Variants in ITGBL1 observed in about 807,000 individuals in gnomAD.
The protein encoded by ITGBL1 is integrin subunit beta like 1, also known as integrin beta-like protein 1.
Under a neutral mutation model 68.5 loss-of-function variants are expected in ITGBL1, and 51 were observed. The observed-to-expected ratio is 0.74, with a 90% CI of 0.59 to 0.94. ITGBL1 has a LOEUF of 0.94. Among genes scored for constraint, ITGBL1 ranks in the 40% least tolerant of loss-of-function variants. ITGBL1 has a pLI of 0.00. For missense variants in ITGBL1, 649 were observed against 647.4 expected (o/e 1.00, Z -0.03); for synonymous variants, 209 against 227.3 (o/e 0.92, Z 0.72).
chr13:101,700,440 T>A (rs1383304251), intron 8 of ITGBL1, among the ~76,000 whole-genome samples: 1 of 152,198 alleles, frequency 6.6e-6, no homozygotes, highest in East Asian at 1.9e-4. Flanking sequence ...TAAGCTTCTA[T>A]CACTTTTCAC....
chr13:101,598,182 G>A lies in ITGBL1; in HGVS notation c.898G>A (p.Asp300Asn). ...GHGQCNCGRCDCKAGWYGKKC... is the reference protein window; with the variant it reads ...GHGQCNCGRCNCKAGWYGKKC... ...TGGACAGTGTAATTGCGGAAGATGT[G>A]ACTGCAAAGCAGGCTGGTATGGGAA... is the stretch of plus-strand genomic sequence containing the variant. Residue 300 changes from aspartate (D) to asparagine (N), a missense_variant, in exon 7 of 11, where the codon GAC (aspartate) becomes AAC (asparagine). Asp to Asn is a conservative substitution (Grantham distance 23). Coordinates refer to ENST00000376180, the MANE Select transcript of ITGBL1 (RefSeq NM_004791.3). 5.6e-6 allele frequency: 9 copies of A among 1,613,406 alleles called. No homozygotes were observed. The highest frequency in any genetic ancestry group is 1.3e-5 in the African/African-American group (1 of 74,976).
intron 2 of ITGBL1, among the ~76,000 whole-genome samples, chr13:101,506,021 G>T (rs2049021826): frequency 2.0e-5 from 3 of 152,186 alleles, no homozygotes; most frequent in Non-Finnish European, 4.4e-5. Context: ...ATGAGAAAGA[G>T]ATCTATTAGC....
At chr13:101,514,415 C>G (rs1368327542) in intron 2 of ITGBL1, among the ~76,000 whole-genome samples, 2 of 152,030 alleles carry the variant, frequency 1.3e-5, no homozygotes, top group African/African-American at 4.8e-5. Flanking sequence ...ACTTCTAAGT[C>G]ACAAAGGTGC....
chr13:101,583,432 A>T, intron 6 of ITGBL1, 76 bp downstream of exon 6: 1 of 1,165,744 alleles, frequency 8.6e-7, no homozygotes, highest in Non-Finnish European at 1.2e-6. Flanking sequence ...AAAAAAAAGC[A>T]ATTAGAAAGA....
chr13:101,625,558 AT>A (rs35177518), intron 7 of ITGBL1, among the ~76,000 whole-genome samples: 29 of 149,716 alleles, frequency 1.9e-4, no homozygotes, highest in Non-Finnish European at 3.6e-4. Context: ...GTAATGGCTA[AT>A]TTTTTTTTTT....
chr13:101,636,772 G>A (rs918678447), intron 7 of ITGBL1, among the ~76,000 whole-genome samples: 4 of 151,986 alleles, frequency 2.6e-5, no homozygotes, highest in African/African-American at 4.8e-5. Context: ...ATTGAAATAC[G>A]TTCTATCATC....
At chr13:101,466,307 AC>A (rs1405890629) in intron 2 of ITGBL1, among the ~76,000 whole-genome samples, 1 of 152,140 alleles carries the variant, frequency 6.6e-6, no homozygotes, top group East Asian at 1.9e-4. Flanking sequence ...TTGGTGAATC[AC>A]CGTAAGTGAC....
intron 7 of ITGBL1, among the ~76,000 whole-genome samples, chr13:101,606,958 A>G (rs954337272): frequency 1.3e-5 from 2 of 152,046 alleles, no homozygotes; most frequent in African/African-American, 4.8e-5. Context: ...CATAATTTAT[A>G]TTTTGTATTA....
chr13:101,622,791 T>C (rs1201782853), intron 7 of ITGBL1, among the ~76,000 whole-genome samples: 1 of 152,136 alleles, frequency 6.6e-6, no homozygotes, highest in Non-Finnish European at 1.5e-5. Context: ...TAGAAAATCT[T>C]TATTTAATTT....
intron 2 of ITGBL1, among the ~76,000 whole-genome samples, chr13:101,484,644 G>T (rs1246821582): frequency 6.6e-5 from 10 of 152,056 alleles, no homozygotes. Flanking sequence ...ACATGAATAT[G>T]TTGTATAGCG....
At chr13:101,588,381 C>T (rs913294400) in intron 6 of ITGBL1, among the ~76,000 whole-genome samples, 3 of 151,672 alleles carry the variant, frequency 2.0e-5, no homozygotes, top group Non-Finnish European at 2.9e-5. Flanking sequence ...TTCTGATGTT[C>T]GATATCAAGA....
chr13:101,650,620 C>CTTTTT (rs55874443), intron 7 of ITGBL1, among the ~76,000 whole-genome samples: 1 of 137,414 alleles, frequency 7.3e-6, no homozygotes, highest in African/African-American at 2.7e-5. Context: ...TCTTTTTTTT[C>CTTTTT]TTTTTTTTTT....
intron 7 of ITGBL1, among the ~76,000 whole-genome samples, chr13:101,605,033 T>TAC (rs71200752): frequency 1.0e-4 from 14 of 137,802 alleles, no homozygotes; most frequent in African/African-American, 3.0e-4. Context: ...TATGTATATA[T>TAC]ACATATACGC....
intron 7 of ITGBL1, among the ~76,000 whole-genome samples, chr13:101,680,430 A>T (rs755901193): frequency 6.6e-6 from 1 of 152,160 alleles, no homozygotes; most frequent in Non-Finnish European, 1.5e-5. Flanking sequence ...AAGTGAAAAA[A>T]AAAATAAGGT....
rs766430713 is a variant in ITGBL1 at position 101,598,289 on chromosome 13, C to T, written c.1005C>T (p.Cys335=). Residue 335 remains cysteine (C), a synonymous_variant, in exon 7 of 11, where the codon TGC becomes TGT. Transcript: ENST00000376180. Reference sequence around the variant, plus strand: ...GCCAGGGAAGCTCGGATCTGCCTTGCTCTGGGAGGGGTAAGTGAGGTCTCT... The same window carrying T: ...GCCAGGGAAGCTCGGATCTGCCTTGTTCTGGGAGGGGTAAGTGAGGTCTCT... ...RKCQGSSDLP[C]SGRGKCECGK... The T allele has an allele frequency of 8.4e-5, 136 of 1,610,590 alleles. No individual in the cohort carries two copies. The highest frequency in any genetic ancestry group is 4.5e-4 in the African/African-American group (34 of 74,808).
chr13:101,603,356 T>G (rs1324938765), intron 7 of ITGBL1, among the ~76,000 whole-genome samples: 1 of 152,034 alleles, frequency 6.6e-6, no homozygotes, highest in Non-Finnish European at 1.5e-5. Flanking sequence ...CTAAGGGTTG[T>G]AAGTAGAAGA....
Position 101,649,929 on chromosome 13 carries a change from T to C in ITGBL1, c.1016-42656T>C, listed in dbSNP as rs1408789872. Reference sequence around the variant, plus strand: ...GGGCTGGAACCAGATATCTGTGATCTAGTTACATTTCCCACATTCTTACCA... The same window carrying C: ...GGGCTGGAACCAGATATCTGTGATCCAGTTACATTTCCCACATTCTTACCA... On this transcript the variant is annotated intron_variant, in intron 7 of 10. Coordinates refer to ENST00000376180, the MANE Select transcript of ITGBL1 (RefSeq NM_004791.3). 3.3e-5 allele frequency among the ~76,000 whole-genome samples: 5 copies of C among 152,324 alleles called. No homozygotes were observed. The East Asian group carries it at 9.6e-4, about 29-fold the overall frequency.
Position 101,715,579 on chromosome 13 carries a change from CTG to C in ITGBL1, c.1413_1414del (p.Cys471TrpfsTer4). 1 of 1,612,128 alleles carries C rather than the reference CTG, an allele frequency of 6.2e-7. No individual in the cohort carries two copies. The highest frequency in any genetic ancestry group is 8.5e-7 in the Non-Finnish European group (1 of 1,178,322). ...LICTGNGICS[C>X]GNCECWDGWN... Reference sequence around the variant, plus strand: ...TTATTGCAGGGAATGGAATATGTAGCTGTGGAAACTGTGAATGCTGGGATGGA... The same window carrying C: ...TTATTGCAGGGAATGGAATATGTAGCTGGAAACTGTGAATGCTGGGATGGA... On this transcript the variant is annotated frameshift_variant, in exon 11 of 11. Transcript: ENST00000376180. LOFTEE classifies it high-confidence loss of function.
chr13:101,477,642 C>T, intron 2 of ITGBL1, among the ~76,000 whole-genome samples: 1 of 151,958 alleles, frequency 6.6e-6, no homozygotes, highest in Non-Finnish European at 1.5e-5. Context: ...GGAGACATTA[C>T]AGCTGATACT....
Sources: gnomAD v4.1 joint callset for allele counts (sites outside exome capture counted in the v4.1 genomes callset) on GRCh38, gnomAD v4.1.1 for gene constraint, MANE v1.5 for transcripts, NCBI Gene and HGNC (gene_info 2026-07-23, HGNC 2026-07-21) for gene names.